TESMIN: variants seen among roughly 807,000 people sequenced by gnomAD.
TESMIN encodes testis expressed metallothionein like protein.
A neutral mutation model predicts 47.4 loss-of-function variants in TESMIN; 34 were observed. That is an observed-to-expected ratio of 0.72 (90% CI 0.55 to 0.96). The LOEUF (loss-of-function observed/expected upper bound fraction) is 0.96. TESMIN is among the 40% of genes least tolerant of loss of function. The pLI, the probability that TESMIN is intolerant of heterozygous loss-of-function variation, is 0.00. For synonymous variants in TESMIN, 278 were observed against 258.9 expected (o/e 1.07, Z -0.71); for missense variants, 610 against 637.2 (o/e 0.96, Z 0.46).
Position 68,750,644 on chromosome 11 carries a change from A to G in TESMIN, c.17T>C (p.Leu6Pro), listed in dbSNP as rs747563405. ...CTCGGGGCTGGGCAGCCCGCCCGGC[A>G]GAGGGCCCTCCTCCATGGCGCAGGG... MEEGP[L>P]PGGLPSPEDA... Residue 6 changes from leucine (L) to proline (P), a missense_variant, in exon 2 of 10, where the codon CTG becomes CCG. By Grantham distance (98) the Leu-to-Pro change is moderately conservative (BLOSUM62 -3). Transcript: ENST00000255087. 18 of 1,562,616 alleles carry G rather than the reference A, an allele frequency of 1.2e-5. No individual in the cohort carries two copies. In the African/African-American group the frequency reaches 2.2e-4, roughly 19 times the overall value.
At chr11:68,714,343 T>C (rs1165848066) in intron 7 of TESMIN, among the ~76,000 whole-genome samples, 1 of 152,160 alleles carries the variant, frequency 6.6e-6, no homozygotes, top group Admixed American at 6.6e-5. Context: ...AGCTGTGGCA[T>C]GATGATCTTG....
At chr11:68,719,816 A>C (rs1318417221) in intron 6 of TESMIN, among the ~76,000 whole-genome samples, 4 of 152,234 alleles carry the variant, frequency 2.6e-5, no homozygotes, top group Admixed American at 6.5e-5. Context: ...AGGTTAAGAG[A>C]AACAGTCAAG....
chr11:68,728,234 G>A (rs1242693127), intron 6 of TESMIN, among the ~76,000 whole-genome samples: 1 of 152,216 alleles, frequency 6.6e-6, no homozygotes, highest in Non-Finnish European at 1.5e-5. Context: ...GAAATTAAAA[G>A]TGTTACTCCA....
At chr11:68,749,918 G>A (rs993777921) in intron 2 of TESMIN, among the ~76,000 whole-genome samples, 4 of 151,988 alleles carry the variant, frequency 2.6e-5, no homozygotes, top group Non-Finnish European at 4.4e-5. Flanking sequence ...TTTTTTTGTT[G>A]TCCGCCGTCT....
At chr11:68,750,072 G>T in intron 2 of TESMIN, 118 bp downstream of exon 2, 1 of 813,998 alleles carries the variant, frequency 1.2e-6, no homozygotes, top group Non-Finnish European at 1.8e-6. Flanking sequence ...GGTGGGCTGT[G>T]TGTGGTGTCA....
At chr11:68,742,071 G>A (rs182423563) in intron 5 of TESMIN, among the ~76,000 whole-genome samples, 6 of 152,340 alleles carry the variant, frequency 3.9e-5, no homozygotes, top group Non-Finnish European at 7.3e-5. Context: ...GCAGAATGCC[G>A]GTCTGGAGGC....
At chr11:68,709,979 G>A (rs143418019) in intron 9 of TESMIN, among the ~76,000 whole-genome samples, 30 of 152,280 alleles carry the variant, frequency 2.0e-4, no homozygotes, top group Non-Finnish European at 3.8e-4. Context: ...CCAATATGGC[G>A]AGACCCCATC....
rs958834303 is a variant in TESMIN, at chr11:68,742,504, T to C, written c.752-110A>G. 1.2e-5 allele frequency: 7 copies of C among 600,576 alleles called. No homozygotes were observed. The Admixed American group carries it at 1.8e-4, about 15-fold the overall frequency. 37.2% of individuals were successfully genotyped at this position (600,576 alleles called of 1,614,324 possible). A position where few individuals can be genotyped will look rare whatever the true frequency, so the allele number is the denominator to read the frequency against. On this transcript the variant is annotated intron_variant, in intron 4 of 9. Coordinates refer to ENST00000255087, the MANE Select transcript of TESMIN (RefSeq NM_004923.3). The stretch of plus-strand genomic sequence containing the variant: ...ATGGACATGTCCTGTGCAAAGTTAT[T>C]TCAACTTATCTTGATGCTAGTTACG...
At chr11:68,715,474 T>C (rs1946125671) in intron 7 of TESMIN, among the ~76,000 whole-genome samples, 1 of 152,248 alleles carries the variant, frequency 6.6e-6, no homozygotes, top group Non-Finnish European at 1.5e-5. Flanking sequence ...GTGGACTGTC[T>C]ACACCTTTGC....
intron 6 of TESMIN, among the ~76,000 whole-genome samples, chr11:68,735,364 G>A (rs1346699408): frequency 6.6e-6 from 1 of 152,194 alleles, no homozygotes; most frequent in Non-Finnish European, 1.5e-5. Flanking sequence ...TGAGGAAGTG[G>A]TGTGGGGGCT....
intron 6 of TESMIN, among the ~76,000 whole-genome samples, chr11:68,729,550 A>G (rs544171011): frequency 6.6e-6 from 1 of 151,890 alleles, no homozygotes; most frequent in South Asian, 2.1e-4. Flanking sequence ...GTTGATTTCA[A>G]CCCTCATGGA....
rs973626020 is a variant in TESMIN, at chr11:68,721,940, T to C, written c.918-6001A>G. Reference sequence around the variant, plus strand: ...AAAGATACGGCAGTTCCTCAGAAAGTTACTATATGATCCAGCAATTCCACT... The same window carrying C: ...AAAGATACGGCAGTTCCTCAGAAAGCTACTATATGATCCAGCAATTCCACT... On this transcript the variant is annotated intron_variant, in intron 6 of 9. Transcript: ENST00000255087. Among the ~76,000 whole-genome samples the C allele has an allele frequency of 2.6e-5, 4 of 152,278 alleles. No individual in the cohort carries two copies. In the East Asian group the frequency reaches 7.7e-4, roughly 29 times the overall value.
At chr11:68,706,608 G>A (rs554149334), downstream of TESMIN, among the ~76,000 whole-genome samples, 2 of 152,286 alleles carry the variant, frequency 1.3e-5, no homozygotes, top group East Asian at 3.9e-4. Context: ...AGGTGTGGCT[G>A]GTGCCAACTG....
chr11:68,751,058 CGGCCAGGGGAGGG>C (rs1390006533), intron 1 of TESMIN, among the ~76,000 whole-genome samples: 5 of 35,018 alleles, frequency 1.4e-4, no homozygotes, highest in African/African-American at 5.8e-4. Flanking sequence ...AGGGGAGGGG[CGGCCAGGGGAGGG>C]GGCCAGGTGA....
chr11:68,743,586 T>A (rs1007072129), intron 4 of TESMIN, among the ~76,000 whole-genome samples: 2 of 152,134 alleles, frequency 1.3e-5, no homozygotes, highest in Non-Finnish European at 2.9e-5. Context: ...TTCAAGTGGT[T>A]ACTAAGTTGT....
At chr11:68,708,556 G>C in intron 9 of TESMIN, 56 bp from the exon 10 acceptor site, 1 of 1,403,682 alleles carries the variant, frequency 7.1e-7, no homozygotes, top group South Asian at 1.4e-5. Context: ...TCTACCTACA[G>C]TACTATTTAT....
rs1238253949 is a variant in TESMIN at position 68,750,377 on chromosome 11, C to T, written c.284G>A (p.Gly95Glu). Residue 95 changes from glycine (G) to glutamate (E), a missense_variant, in exon 2 of 10, where the codon GGG (glycine) becomes GAG (glutamate). Gly to Glu is a moderately conservative substitution (Grantham distance 98, BLOSUM62 -2). Transcript: ENST00000255087. ...GAGCTCTGGGATCCCGGGGTACTCCCCGAGGAGCTCCCCGCCGTCGCTGTC... is the reference window on the plus strand; with the variant it reads ...GAGCTCTGGGATCCCGGGGTACTCCTCGAGGAGCTCCCCGCCGTCGCTGTC... Reference protein sequence around the residue: ...GGDSDGGELLGEYPGIPELSA... With the variant: ...GGDSDGGELLEEYPGIPELSA... The T allele has an allele frequency of 6.6e-7, 1 of 1,512,246 alleles. No individual in the cohort carries two copies. The highest frequency in any genetic ancestry group is 8.9e-7 in the Non-Finnish European group (1 of 1,127,110). 93.7% of individuals were successfully genotyped at this position (1,512,246 alleles called of 1,614,324 possible).
At chr11:68,717,587 G>A (rs1946155031) in intron 6 of TESMIN, among the ~76,000 whole-genome samples, 1 of 152,230 alleles carries the variant, frequency 6.6e-6, no homozygotes, top group African/African-American at 2.4e-5. Flanking sequence ...ATAGCAGAGG[G>A]GCGAGAGAAC....
chr11:68,731,609 A>T (rs2153991764), intron 6 of TESMIN, among the ~76,000 whole-genome samples: 1 of 152,332 alleles, frequency 6.6e-6, no homozygotes, highest in African/African-American at 2.4e-5. Context: ...TGCGGGGAAT[A>T]AAAAGGTAAA....
Sources: allele counts gnomAD v4.1 joint callset (sites outside exome capture counted in the v4.1 genomes callset), GRCh38; gene constraint gnomAD v4.1.1; transcripts MANE v1.5; gene names NCBI Gene and HGNC (gene_info 2026-07-23, HGNC 2026-07-21).